Variants in FAT3 observed in about 807,000 individuals in gnomAD.
FAT3 encodes FAT atypical cadherin 3, also known as protocadherin Fat 3.
In FAT3, 95 loss-of-function variants were observed where a neutral mutation model predicts 310.2. The ratio of observed to expected loss-of-function variants is 0.31; its 90% CI spans 0.26 to 0.36. The LOEUF is 0.36. Among genes scored for constraint, FAT3 ranks in the 10% least tolerant of loss-of-function variants. The probability of loss-of-function intolerance (pLI) is 1.00; values close to 1 mark genes in which losing one functional copy is unlikely to be tolerated. For missense variants in FAT3, 5,408 were observed against 5,715.6 expected (o/e 0.95, Z 1.74); for synonymous variants, 2,314 against 2,192.9 (o/e 1.06, Z -1.54).
intron 1 of FAT3, among the ~76,000 whole-genome samples, chr11:92,257,891 G>A (rs1157009859): frequency 6.6e-6 from 1 of 152,078 alleles, no homozygotes; most frequent in East Asian, 1.9e-4. Flanking sequence ...GCATACCAGA[G>A]TTTCCTGGTC....
chr11:92,372,052 A>T (rs369787541), intron 2 of FAT3, among the ~76,000 whole-genome samples: 2 of 151,762 alleles, frequency 1.3e-5, no homozygotes, highest in African/African-American at 2.4e-5. Context: ...ACTGAGAACC[A>T]CTCTATTTTG....
chr11:92,618,686 C>G (rs1374148487), intron 3 of FAT3, among the ~76,000 whole-genome samples: 2 of 152,102 alleles, frequency 1.3e-5, no homozygotes, highest in African/African-American at 4.8e-5. Flanking sequence ...ATTTTTTATA[C>G]TTTGAGCTCA....
chr11:92,764,770 G>T, intron 5 of FAT3, 109 bp from the exon 6 acceptor site: 2 of 987,828 alleles, frequency 2.0e-6, no homozygotes, highest in African/African-American at 1.6e-5. Context: ...TCCCCTTGCT[G>T]ACACTGTGTT....
intron 4 of FAT3, among the ~76,000 whole-genome samples, chr11:92,752,006 G>A (rs1208064167): frequency 6.6e-6 from 1 of 152,036 alleles, no homozygotes; most frequent in Non-Finnish European, 1.5e-5. Context: ...AGCAAAGCAG[G>A]CGTGCAATAA....
intron 1 of FAT3, among the ~76,000 whole-genome samples, chr11:92,343,720 G>T (rs1948334986): frequency 6.6e-6 from 1 of 152,128 alleles, no homozygotes; most frequent in Non-Finnish European, 1.5e-5. Flanking sequence ...GAAATGTGGG[G>T]ATGTGTTTAT....
At chr11:92,236,719 T>C (rs1864434323) in intron 1 of FAT3, among the ~76,000 whole-genome samples, 1 of 152,216 alleles carries the variant, frequency 6.6e-6, no homozygotes, top group African/African-American at 2.4e-5. Flanking sequence ...GGAGTCTATA[T>C]CCCTGAATCT....
rs145197350 is a variant in FAT3, at chr11:92,745,645, C to G, written c.3670-16211C>G. Among the ~76,000 whole-genome samples the G allele has an allele frequency of 8.1e-3, 1,215 of 149,298 alleles. 28 individuals are homozygous for G. Among genetic ancestry groups the G allele is most frequent in the African/African-American group, 0.029 (1,155 of 40,500 alleles). On this transcript the variant is annotated intron_variant, in intron 4 of 27. Transcript: ENST00000525166. ...GGGAAATACTTTATTTCCTAAAGTG[C>G]AAAGAAAAGATTTGGACAAAGCTGT...
At chr11:92,822,720 T>G (rs961909891) in intron 13 of FAT3, among the ~76,000 whole-genome samples, 1 of 152,340 alleles carries the variant, frequency 6.6e-6, no homozygotes, top group South Asian at 2.1e-4. Flanking sequence ...ATCCATTAAC[T>G]TAGGCCCAGT....
chr11:92,861,007 G>A (rs1430332952), intron 21 of FAT3, among the ~76,000 whole-genome samples: 2 of 152,222 alleles, frequency 1.3e-5, no homozygotes, highest in African/African-American at 2.4e-5. Context: ...CACAGTTTTA[G>A]AGAACGATGC....
chr11:92,728,394 A>G (rs1343513927), intron 4 of FAT3, among the ~76,000 whole-genome samples: 1 of 152,242 alleles, frequency 6.6e-6, no homozygotes, highest in Non-Finnish European at 1.5e-5. Flanking sequence ...GCTGTGTTAA[A>G]AAAGCAGTCA....
chr11:92,864,327 A>T (rs1174695737), intron 21 of FAT3, among the ~76,000 whole-genome samples: 1 of 152,224 alleles, frequency 6.6e-6, no homozygotes. Context: ...TTGTAGCCAC[A>T]GAGTTAAAAA....
chr11:92,674,548 A>G (rs1228244434), intron 3 of FAT3, among the ~76,000 whole-genome samples: 2 of 151,824 alleles, frequency 1.3e-5, no homozygotes, highest in Non-Finnish European at 2.9e-5. Flanking sequence ...TTTAATGCAG[A>G]GTCTCACTCT....
Position 92,352,397 on chromosome 11 carries a change from G to C in FAT3, c.285G>C (p.Glu95Asp). Residue 95 changes from glutamate to aspartate, a missense_variant, in exon 2 of 28, where the codon GAG becomes GAC. By Grantham distance (45) the Glu-to-Asp change is conservative. Transcript: ENST00000525166. ...SGDEEGFFKAEEVIIADFCFL... is the reference protein window; with the variant it reads ...SGDEEGFFKADEVIIADFCFL... ...ACGAGGAAGGCTTTTTCAAAGCAGA[G>C]GAAGTCATCATTGCAGATTTCTGTT... is the stretch of plus-strand genomic sequence containing the variant. 2 of 1,611,064 alleles carry C rather than the reference G, an allele frequency of 1.2e-6. No homozygotes were observed. The highest frequency in any genetic ancestry group is 1.7e-6 in the Non-Finnish European group (2 of 1,178,622).
intron 3 of FAT3, among the ~76,000 whole-genome samples, chr11:92,625,592 G>A (rs546256257): frequency 6.6e-6 from 1 of 152,116 alleles, no homozygotes; most frequent in Non-Finnish European, 1.5e-5. Flanking sequence ...GTCAAATTTA[G>A]CAGCTACATA....
chr11:92,457,192 G>A (rs908746776), intron 2 of FAT3, among the ~76,000 whole-genome samples: 10 of 152,292 alleles, frequency 6.6e-5, no homozygotes, highest in South Asian at 2.1e-4. Context: ...CTCTTTAATC[G>A]TGATTCTATG....
intron 13 of FAT3, among the ~76,000 whole-genome samples, chr11:92,816,800 A>C (rs2136226389): frequency 6.6e-6 from 1 of 151,998 alleles, no homozygotes; most frequent in African/African-American, 2.4e-5. Context: ...ACATGGTAAA[A>C]CCCCATCTCT....
chr11:92,818,368 G>C (rs1048286345), intron 13 of FAT3, among the ~76,000 whole-genome samples: 41 of 152,266 alleles, frequency 2.7e-4, no homozygotes, highest in African/African-American at 8.4e-4. Context: ...ATCAGTATGT[G>C]AGTGTGTGGG....
chr11:92,871,395 G>T (rs952646017), intron 22 of FAT3, among the ~76,000 whole-genome samples: 11 of 152,142 alleles, frequency 7.2e-5, no homozygotes, highest in African/African-American at 2.4e-4. Flanking sequence ...CAGTATCTCA[G>T]ATCCCACCCC....
At chr11:92,731,701 G>A (rs1174513246) in intron 4 of FAT3, among the ~76,000 whole-genome samples, 4 of 114,544 alleles carry the variant, frequency 3.5e-5, no homozygotes, top group Non-Finnish European at 7.8e-5. Context: ...CATTCTCTTG[G>A]GAAAAAAAAA....
Sources: gnomAD v4.1 joint callset for allele counts (sites outside exome capture counted in the v4.1 genomes callset) on GRCh38, gnomAD v4.1.1 for gene constraint, MANE v1.5 for transcripts, NCBI Gene and HGNC (gene_info 2026-07-23, HGNC 2026-07-21) for gene names.